Variants in YPEL2 observed in about 807,000 individuals in gnomAD.
The protein encoded by YPEL2 is protein yippee-like 2.
Under a neutral mutation model 19.1 loss-of-function variants are expected in YPEL2, and 2 were observed. The observed-to-expected ratio is 0.10, with a 90% CI of 0.04 to 0.33. The LOEUF (loss-of-function observed/expected upper bound fraction) is 0.33. Among genes scored for constraint, YPEL2 ranks in the 10% least tolerant of loss-of-function variants. The probability of loss-of-function intolerance (pLI) is 1.00; values close to 1 mark genes in which losing one functional copy is unlikely to be tolerated. For missense variants in YPEL2, 66 were observed against 140.7 expected (o/e 0.47, Z 2.68); for synonymous variants, 52 against 50.0 (o/e 1.04, Z -0.17).
intron 1 of YPEL2, among the ~76,000 whole-genome samples, chr17:59,351,407 A>T (rs1467504393): frequency 6.6e-6 from 1 of 151,932 alleles, no homozygotes; most frequent in Non-Finnish European, 1.5e-5. Context: ...GGTTGAGGGT[A>T]TTTCAGGAAA....
At chr17:59,364,923 C>T (rs1598039263) in intron 2 of YPEL2, among the ~76,000 whole-genome samples, 1 of 152,192 alleles carries the variant, frequency 6.6e-6, no homozygotes, top group African/African-American at 2.4e-5. Flanking sequence ...TGAGCCACTG[C>T]GCCCATCCGC....
intron 1 of YPEL2, among the ~76,000 whole-genome samples, chr17:59,336,041 T>A (rs2047697217): frequency 6.6e-6 from 1 of 152,216 alleles, no homozygotes; most frequent in Admixed American, 6.5e-5. Flanking sequence ...CACGGAAGCT[T>A]GAGAGCTTCT....
chr17:59,392,417 G>C (rs112482288), intron 4 of YPEL2, among the ~76,000 whole-genome samples: 74 of 151,580 alleles, frequency 4.9e-4, no homozygotes, highest in Admixed American at 2.5e-3. Flanking sequence ...CAAACAGCCT[G>C]ACAAGTACTG....
At chr17:59,332,219 G>C (rs1353923633) in intron 1 of YPEL2, among the ~76,000 whole-genome samples, 2 of 152,070 alleles carry the variant, frequency 1.3e-5, no homozygotes, top group Non-Finnish European at 2.9e-5. Flanking sequence ...CATGGGGTCC[G>C]GGTGGGGCTG....
intron 2 of YPEL2, among the ~76,000 whole-genome samples, chr17:59,383,579 A>G (rs1355734967): frequency 4.0e-5 from 1 of 25,172 alleles, no homozygotes; most frequent in Non-Finnish European, 6.9e-5. Context: ...GTCTCAAAAA[A>G]AAAAAAAAAA....
intron 2 of YPEL2, chr17:59,363,191 G>A (rs2047850463): frequency 6.6e-6 from 1 of 151,936 alleles, no homozygotes; most frequent in African/African-American, 2.4e-5. Flanking sequence ...GTCTCGCTAT[G>A]TTGCCTAGAC....
chr17:59,387,510 A>T (rs981680573), intron 2 of YPEL2, among the ~76,000 whole-genome samples: 1 of 152,076 alleles, frequency 6.6e-6, no homozygotes, highest in African/African-American at 2.4e-5. Context: ...GGCAGTGCAG[A>T]ACATGGCTGG....
intron 1 of YPEL2, among the ~76,000 whole-genome samples, chr17:59,349,494 G>T (rs2047776476): frequency 6.6e-6 from 1 of 150,944 alleles, no homozygotes. Context: ...CTACGGGCGT[G>T]CGCTACCATG....
intron 1 of YPEL2, among the ~76,000 whole-genome samples, chr17:59,350,984 GTT>G (rs1022462383): frequency 3.3e-5 from 5 of 151,940 alleles, no homozygotes; most frequent in African/African-American, 1.2e-4. Context: ...CCTACTGCTT[GTT>G]TTCCCCTGCC....
At chr17:59,336,321 T>C (rs2047698495) in intron 1 of YPEL2, among the ~76,000 whole-genome samples, 1 of 152,252 alleles carries the variant, frequency 6.6e-6, no homozygotes, top group Non-Finnish European at 1.5e-5. Flanking sequence ...TCCATTGTTA[T>C]TTTGTTGTCA....
intron 2 of YPEL2, among the ~76,000 whole-genome samples, chr17:59,378,340 TCTC>T (rs1348959162): frequency 5.2e-5 from 6 of 114,872 alleles, no homozygotes; most frequent in African/African-American, 2.6e-4. Context: ...AGTCCCAGAG[TCTC>T]CTCCTTTTTT....
chr17:59,340,584 T>TTTTTATAC (rs2047723886), intron 1 of YPEL2, among the ~76,000 whole-genome samples: 1 of 151,736 alleles, frequency 6.6e-6, no homozygotes, highest in Non-Finnish European at 1.5e-5. Flanking sequence ...CTCGGCTAAT[T>TTTTTATAC]TTTTATACTT....
chr17:59,391,253 G>T (rs778725869), intron 4 of YPEL2, among the ~76,000 whole-genome samples: 1 of 152,144 alleles, frequency 6.6e-6, no homozygotes, highest in Non-Finnish European at 1.5e-5. Flanking sequence ...GAGTGCTGAC[G>T]ATATGTCAGT....
intron 1 of YPEL2, among the ~76,000 whole-genome samples, chr17:59,337,607 A>G (rs1055835885): frequency 5.9e-5 from 9 of 152,208 alleles, no homozygotes; most frequent in Non-Finnish European, 1.2e-4. Flanking sequence ...TATAAATGCT[A>G]TAAATGATAA....
intron 2 of YPEL2, among the ~76,000 whole-genome samples, chr17:59,377,781 G>A (rs2047929617): frequency 6.6e-6 from 1 of 152,158 alleles, no homozygotes; most frequent in Non-Finnish European, 1.5e-5. Flanking sequence ...AGCCGTAGGG[G>A]GATTTGGAAG....
rs2048049820 is a variant in YPEL2 at position 59,398,029 on chromosome 17, C to G, written c.*839C>G. ...TATCCCAAAGGCTTTGACCAGCAAC[C>G]AAGTAAAATCAGTAATTGAGGAGAG... On this transcript the variant is annotated 3_prime_UTR_variant, in exon 5 of 5. Coordinates refer to ENST00000312655, the MANE Select transcript of YPEL2 (RefSeq NM_001005404.4). The G allele has an allele frequency of 6.6e-6, 1 of 152,194 alleles. No individual in the cohort carries two copies. Among genetic ancestry groups the G allele is most frequent in the African/African-American group, 2.4e-5 (1 of 41,428 alleles). 9.4% of individuals were successfully genotyped at this position (152,194 alleles called of 1,614,324 possible).
At chr17:59,346,458 TGAG>T (rs1298552265) in intron 1 of YPEL2, among the ~76,000 whole-genome samples, 3 of 151,686 alleles carry the variant, frequency 2.0e-5, no homozygotes, top group Non-Finnish European at 2.9e-5. Context: ...GTGGAGGTGG[TGAG>T]GAGAGAATTG....
chr17:59,382,610 A>T (rs1442858564), intron 2 of YPEL2, among the ~76,000 whole-genome samples: 1 of 152,246 alleles, frequency 6.6e-6, no homozygotes, highest in Non-Finnish European at 1.5e-5. Context: ...ACAATTTTTA[A>T]TGAACATTTG....
rs2047795849 is a variant in YPEL2, at chr17:59,353,184, C to T, written c.-195-31C>T. 9.5e-6 allele frequency: 4 copies of T among 422,586 alleles called. No individual in the cohort carries two copies. Among genetic ancestry groups the T allele is most frequent in the Non-Finnish European group, 1.7e-5 (4 of 236,980 alleles). The allele number at this position is 422,586 out of a possible 1,614,324, so 26.2% of individuals were successfully genotyped here. ...TTGTAGGGAGCCCTGCTCCATCAGCCAATGTTAGTCCTCTTCCCTTGATGT... is the reference window on the plus strand; with the variant it reads ...TTGTAGGGAGCCCTGCTCCATCAGCTAATGTTAGTCCTCTTCCCTTGATGT... On this transcript the variant is annotated intron_variant, in intron 1 of 4. Transcript: ENST00000312655. This position sits in a 1 kb window ranked among gnomAD's most constrained non-coding sequence, Gnocchi z 4.8.
Sources: allele counts gnomAD v4.1 joint callset (sites outside exome capture counted in the v4.1 genomes callset), GRCh38; gene constraint gnomAD v4.1.1; non-coding constraint Gnocchi (gnomAD v3.1); transcripts MANE v1.5; gene names NCBI Gene and HGNC (gene_info 2026-07-23, HGNC 2026-07-21).